Variants in SLC16A7 observed in about 807,000 individuals in gnomAD.
SLC16A7 encodes the protein solute carrier family 16 member 7.
In SLC16A7, 33 loss-of-function variants were observed where a neutral mutation model predicts 34.9. The observed-to-expected ratio is 0.94, with a 90% CI of 0.72 to 1.26. SLC16A7 has a LOEUF of 1.26. SLC16A7 is among the 50% of genes most tolerant of loss of function. The pLI, the probability that SLC16A7 is intolerant of heterozygous loss-of-function variation, is 0.00. For missense variants in SLC16A7, 573 were observed against 578.1 expected (o/e 0.99, Z 0.09); for synonymous variants, 201 against 206.6 (o/e 0.97, Z 0.23).
At chr12:59,714,094 C>T (rs1342378190) in intron 3 of SLC16A7, among the ~76,000 whole-genome samples, 1 of 152,056 alleles carries the variant, frequency 6.6e-6, no homozygotes, top group African/African-American at 2.4e-5. Flanking sequence ...AAGGAGGCAG[C>T]GTTAGTCAAG....
At chr12:59,614,760 G>A (rs550238076) in intron 1 of SLC16A7, among the ~76,000 whole-genome samples, 25 of 148,848 alleles carry the variant, frequency 1.7e-4, no homozygotes, top group African/African-American at 5.7e-4. Flanking sequence ...AGGCCGAAGC[G>A]GGTGGATCAC....
chr12:59,726,899 T>C (rs1876316374), intron 3 of SLC16A7, among the ~76,000 whole-genome samples: 1 of 152,098 alleles, frequency 6.6e-6, no homozygotes, highest in Admixed American at 6.6e-5. Context: ...TTATGCTTTA[T>C]GATCAATACA....
At chr12:59,726,573 C>G (rs555661704) in intron 3 of SLC16A7, among the ~76,000 whole-genome samples, 1 of 152,206 alleles carries the variant, frequency 6.6e-6, no homozygotes, top group Non-Finnish European at 1.5e-5. Context: ...ATCTTATTAA[C>G]CAGTTTCTGA....
chr12:59,605,030 C>G (rs187979824), intron 1 of SLC16A7, among the ~76,000 whole-genome samples: 160 of 151,962 alleles, frequency 1.1e-3, no homozygotes, highest in African/African-American at 3.3e-3. Context: ...TTTTTGTATT[C>G]TTAGTAGAGA....
chr12:59,759,712 T>C (rs556844501), intron 3 of SLC16A7, among the ~76,000 whole-genome samples: 1 of 152,104 alleles, frequency 6.6e-6, no homozygotes, highest in East Asian at 1.9e-4. Flanking sequence ...GGGGAAAATA[T>C]TTTATTTCAG....
intron 1 of SLC16A7, among the ~76,000 whole-genome samples, chr12:59,611,659 TTCTG>T (rs1034632618): frequency 6.6e-6 from 1 of 152,204 alleles, no homozygotes; most frequent in Non-Finnish European, 1.5e-5. Context: ...AGGCAATCCT[TTCTG>T]TCTATGAGCC....
chr12:59,685,812 A>G (rs1311062046), intron 2 of SLC16A7, among the ~76,000 whole-genome samples: 2 of 152,136 alleles, frequency 1.3e-5, no homozygotes, highest in Non-Finnish European at 2.9e-5. Context: ...GCTAAATTGT[A>G]CCAGTTTTAT....
At chr12:59,763,433 T>A (rs1259083250) in intron 3 of SLC16A7, among the ~76,000 whole-genome samples, 1 of 152,096 alleles carries the variant, frequency 6.6e-6, no homozygotes, top group Non-Finnish European at 1.5e-5. Flanking sequence ...ACTTGAATCT[T>A]CCCTCAATAT....
chr12:59,705,201 A>G (rs1159936707), intron 3 of SLC16A7, among the ~76,000 whole-genome samples, 183 bp downstream of exon 3: 2 of 152,194 alleles, frequency 1.3e-5, no homozygotes, highest in Admixed American at 1.3e-4. Flanking sequence ...ATCTTAAGCT[A>G]TTTGCTTCGA....
chr12:59,605,241 G>T (rs1338091412), intron 1 of SLC16A7, among the ~76,000 whole-genome samples: 1 of 152,146 alleles, frequency 6.6e-6, no homozygotes, highest in African/African-American at 2.4e-5. Flanking sequence ...ACTATTTGAA[G>T]GAGTTACCTG....
intron 1 of SLC16A7, among the ~76,000 whole-genome samples, chr12:59,618,476 G>C (rs1336368024): frequency 1.3e-5 from 2 of 151,942 alleles, no homozygotes; most frequent in African/African-American, 4.8e-5. Flanking sequence ...AGAAGCATAG[G>C]AGTAAGTTTC....
At chr12:59,648,393 A>C (rs747101780) in intron 1 of SLC16A7, among the ~76,000 whole-genome samples, 1 of 152,156 alleles carries the variant, frequency 6.6e-6, no homozygotes, top group Non-Finnish European at 1.5e-5. Context: ...TTGATTATAG[A>C]TGATATTAAT....
chr12:59,733,948 G>C, intron 3 of SLC16A7: 1 of 406,052 alleles, frequency 2.5e-6, no homozygotes, highest in East Asian at 7.2e-5. Flanking sequence ...AGAGTCTGGG[G>C]TTTTTAAGGG....
At chr12:59,721,188 C>T (rs778213388) in intron 3 of SLC16A7, among the ~76,000 whole-genome samples, 1 of 151,922 alleles carries the variant, frequency 6.6e-6, no homozygotes, top group African/African-American at 2.4e-5. Context: ...AATCCATATT[C>T]CCCAAAGCCA....
chr12:59,695,086 A>G lies in SLC16A7; in HGVS notation c.-30-9686A>G, dbSNP rs182331604. Among the ~76,000 whole-genome samples, 10 of 151,950 alleles carry G rather than the reference A, an allele frequency of 6.6e-5. No individual in the cohort carries two copies. In the East Asian group the frequency reaches 1.4e-3, roughly 21 times the overall value. On this transcript the variant is annotated intron_variant, in intron 2 of 5. Coordinates refer to ENST00000547379, the MANE Select transcript of SLC16A7 (RefSeq NM_001270623.2). ...CCCTAAGCTGGCCTGTATAAATTAT[A>G]TTAATTTTTTTTTCTATTTTCTTGG...
chr12:59,644,757 C>T (rs1449536800), intron 1 of SLC16A7, among the ~76,000 whole-genome samples: 2 of 152,062 alleles, frequency 1.3e-5, no homozygotes, highest in Non-Finnish European at 2.9e-5. Flanking sequence ...CTTTACTTCT[C>T]GTTCCTCCCT....
At chr12:59,606,894 A>T (rs1428880591) in intron 1 of SLC16A7, among the ~76,000 whole-genome samples, 1 of 152,124 alleles carries the variant, frequency 6.6e-6, no homozygotes, top group Admixed American at 6.6e-5. Context: ...ACACACACCC[A>T]CTAATTAAAG....
chr12:59,704,677 A>C, intron 2 of SLC16A7, 95 bp from the exon 3 acceptor site: 1 of 634,614 alleles, frequency 1.6e-6, no homozygotes, highest in Middle Eastern at 4.3e-4. Context: ...ATCATATTGT[A>C]GTTTTAACTG....
intron 3 of SLC16A7, among the ~76,000 whole-genome samples, chr12:59,762,729 G>A (rs1407237529): frequency 6.6e-6 from 1 of 151,744 alleles, no homozygotes; most frequent in Non-Finnish European, 1.5e-5. Flanking sequence ...GATCACTTGA[G>A]GCTCAGAGTT....
Sources: gnomAD v4.1 joint callset for allele counts (sites outside exome capture counted in the v4.1 genomes callset) on GRCh38, gnomAD v4.1.1 for gene constraint, MANE v1.5 for transcripts, NCBI Gene and HGNC (gene_info 2026-07-23, HGNC 2026-07-21) for gene names.